Variants in SUN1 observed in about 807,000 individuals in gnomAD.
SUN1 encodes Sad1 and UNC84 domain containing 1, also known as SUN domain-containing protein 1.
A neutral mutation model predicts 103.2 loss-of-function variants in SUN1; 61 were observed. That is an observed-to-expected ratio of 0.59 (90% CI 0.48 to 0.73). The LOEUF (loss-of-function observed/expected upper bound fraction) is 0.73. SUN1 is among the 30% of genes least tolerant of loss of function. The pLI, the probability that SUN1 is intolerant of heterozygous loss-of-function variation, is 0.00. For synonymous variants in SUN1, 490 were observed against 425.7 expected (o/e 1.15, Z -1.86); for missense variants, 1,052 against 1,034.6 (o/e 1.02, Z -0.23).
At chr7:828,707 G>T (rs568325498), upstream of SUN1, among the ~76,000 whole-genome samples, 158 of 152,306 alleles carry the variant, frequency 1.0e-3, no homozygotes, top group African/African-American at 3.5e-3. Flanking sequence ...AAGATAAAAG[G>T]GAGAGACTTT....
At position 841,977 on chromosome 7, in the gene SUN1, T is replaced by G. The variant is rs754552795; in HGVS notation, c.298T>G (p.Ser100Ala). ...AAAACAGCGCAGAAGCACAAACAAA[T>G]CAGCTTTTAGTATCAACCACGTGTC... ...TTKQRRSTNKSAFSINHVSRQ... is the reference protein window; with the variant it reads ...TTKQRRSTNKAAFSINHVSRQ... The change falls in exon 3 of 19, where the codon TCA becomes GCA. Residue 100 changes from serine to alanine, a missense_variant. Around this residue, in one of 2 missense-constraint regions of SUN1, gnomAD observed 846 missense variants for 774.5 expected, o/e 1.09. Transcript: ENST00000401592. 7 of 1,614,138 alleles carry G rather than the reference T, an allele frequency of 4.3e-6. No individual in the cohort carries two copies. The highest frequency in any genetic ancestry group is 1.1e-5 in the South Asian group (1 of 91,082).
At position 842,165 on chromosome 7, in the gene SUN1, C is replaced by T. The variant is rs773045397; in HGVS notation, c.451+35C>T. ...TGCGAGACACAGATTGTCCCGCCTA[C>T]AGTTGGGGTGTTTCTCAGATTATGC... On this transcript the variant is annotated intron_variant, in intron 3 of 18. Transcript: ENST00000401592. The T allele has an allele frequency of 1.1e-5, 17 of 1,598,450 alleles. No individual in the cohort carries two copies. In the East Asian group the frequency reaches 1.8e-4, roughly 17 times the overall value.
At chr7:832,646 C>T (rs1799017381) in intron 1 of SUN1, 45 bp downstream of exon 1, 1 of 1,524,164 alleles carries the variant, frequency 6.6e-7, no homozygotes, top group East Asian at 2.3e-5. Context: ...GCAATGCCCA[C>T]TCGCTGTCGC....
intron 5 of SUN1, among the ~76,000 whole-genome samples, chr7:845,838 A>G (rs1450384371): frequency 3.9e-5 from 6 of 152,168 alleles, no homozygotes; most frequent in Admixed American, 3.3e-4. Context: ...AAATGAGGTA[A>G]AATTCAGATA....
intron 1 of SUN1, chr7:817,548 T>TG (rs764663129): frequency 6.5e-7 from 1 of 1,531,910 alleles, no homozygotes; most frequent in South Asian, 1.2e-5. Context: ...AGCTTGTGGT[T>TG]GCTGCGTCTG....
In SUN1 at chr7:843,502, A is replaced by G; in HGVS notation, c.640A>G (p.Arg214Gly). The G allele has an allele frequency of 6.2e-7, 1 of 1,614,090 alleles. No homozygotes were observed. The highest frequency in any genetic ancestry group is 1.1e-5 in the South Asian group (1 of 91,088). ...CGGGCCCGTGTCGAGAGTTTATTCT[A>G]GGGACAGGAATCAAAAATGTAAGTC... ...APGPVSRVYSRDRNQKCYFLL... is the reference protein window; with the variant it reads ...APGPVSRVYSGDRNQKCYFLL... Residue 214 changes from arginine to glycine, a missense_variant, in exon 5 of 19, where the codon AGG (arginine) becomes GGG (glycine). By Grantham distance (125) the Arg-to-Gly change is moderately radical (BLOSUM62 -2). Coordinates refer to ENST00000401592, the MANE Select transcript of SUN1 (RefSeq NM_001130965.3).
chr7:860,116 C>T lies in SUN1; in HGVS notation c.1525-12C>T. 2 of 1,612,274 alleles carry T rather than the reference C, an allele frequency of 1.2e-6. No individual in the cohort carries two copies. Among genetic ancestry groups the T allele is most frequent in the Non-Finnish European group, 8.5e-7 (1 of 1,178,598 alleles). ...AAAATAGGACATTTGTGTCCGTCTGCTGTTTTACTAGGTGGACGTGCAAGT... is the reference window on the plus strand; with the variant it reads ...AAAATAGGACATTTGTGTCCGTCTGTTGTTTTACTAGGTGGACGTGCAAGT... On this transcript the variant is annotated splice_polypyrimidine_tract_variant and intron_variant, in intron 13 of 18. Coordinates refer to ENST00000401592, the MANE Select transcript of SUN1 (RefSeq NM_001130965.3).
At chr7:867,058 T>C (rs1387553375) in intron 16 of SUN1, among the ~76,000 whole-genome samples, 1 of 152,264 alleles carries the variant, frequency 6.6e-6, no homozygotes, top group Non-Finnish European at 1.5e-5. Context: ...AAGTCCAGCC[T>C]GAAAGAATTC....
chr7:849,705 T>C lies in SUN1; in HGVS notation c.659-1679T>C, dbSNP rs551299530. On this transcript the variant is annotated intron_variant, in intron 5 of 18. Transcript: ENST00000401592. ...TAGAGAATGAACGGCCCGTGTGACATGGTGGTCCTCACTGATGACGACGGG... is the reference window on the plus strand; with the variant it reads ...TAGAGAATGAACGGCCCGTGTGACACGGTGGTCCTCACTGATGACGACGGG... 4.5e-6 allele frequency: 6 copies of C among 1,325,786 alleles called. No individual in the cohort carries two copies. In the African/African-American group the frequency reaches 8.6e-5, roughly 19 times the overall value. 82.1% of individuals were successfully genotyped at this position (1,325,786 alleles called of 1,614,324 possible).
rs1456981144 is a variant in SUN1 at position 874,154 on chromosome 7, G to C, written c.*823G>C. The C allele has an allele frequency of 1.3e-5, 2 of 152,248 alleles. No homozygotes were observed. Among genetic ancestry groups the C allele is most frequent in the African/African-American group, 4.8e-5 (2 of 41,436 alleles). The allele number at this position is 152,248 out of a possible 1,614,324, so 9.4% of individuals were successfully genotyped here. A position where few individuals can be genotyped will look rare whatever the true frequency, so the allele number is the denominator to read the frequency against. ...TTTTGAGTTTTGCTGAATAGGGAGCGCAAGACGCCCTGAGCCTCCCTCTCA... is the reference window on the plus strand; with the variant it reads ...TTTTGAGTTTTGCTGAATAGGGAGCCCAAGACGCCCTGAGCCTCCCTCTCA... On this transcript the variant is annotated 3_prime_UTR_variant, in exon 19 of 19. Coordinates refer to ENST00000401592, the MANE Select transcript of SUN1 (RefSeq NM_001130965.3).
At position 873,328 on chromosome 7, in the gene SUN1, G is replaced by A; in HGVS notation, c.2355G>A (p.Lys785=). 1.2e-6 allele frequency: 2 copies of A among 1,613,122 alleles called. No individual in the cohort carries two copies. The highest frequency in any genetic ancestry group is 1.7e-4 in the Middle Eastern group (1 of 6,056). ...TCAGAGTTCATGGCGAACCTGTCAA[G>A]TGAAGACACTACTCATTATTTTTGT... ...YRFRVHGEPV[K] The change falls in exon 19 of 19, where the codon AAG becomes AAA. Residue 785 remains lysine (K), a synonymous_variant. Transcript: ENST00000401592.
In SUN1 at chr7:868,466, G is replaced by A. The variant is rs139605460; in HGVS notation, c.1981-883G>A. Reference sequence around the variant, plus strand: ...GAACGTGCATTTTCCCAGGGCATCAGCAGCTGACCCTTGATGTTGGTCGGA... The same window carrying A: ...GAACGTGCATTTTCCCAGGGCATCAACAGCTGACCCTTGATGTTGGTCGGA... On this transcript the variant is annotated intron_variant, in intron 16 of 18. Transcript: ENST00000401592. 6.5e-3 allele frequency: 1,937 copies of A among 299,376 alleles called. 55 individuals carry two copies. The highest frequency in any genetic ancestry group is 0.041 in the African/African-American group (1,820 of 44,332). 18.5% of individuals were successfully genotyped at this position (299,376 alleles called of 1,614,324 possible). A position where few individuals can be genotyped will look rare whatever the true frequency, so the allele number is the denominator to read the frequency against.
At chr7:844,186 ACTGGGATTCCCTGGGGGG>A (rs1257620849) in intron 5 of SUN1, among the ~76,000 whole-genome samples, 2 of 152,148 alleles carry the variant, frequency 1.3e-5, no homozygotes, top group Admixed American at 1.3e-4. Flanking sequence ...TCCAGGCGGG[ACTGGGATTCCCTGGGGGG>A]CTGGGATTCT....
At chr7:832,009 T>C, upstream of SUN1, 1 of 986,520 alleles carries the variant, frequency 1.0e-6, no homozygotes, top group Non-Finnish European at 1.2e-6. Context: ...TTTTTGTTAT[T>C]CACCCTGCAG....
At chr7:821,414 C>T (rs1227205287) in intron 1 of SUN1, among the ~76,000 whole-genome samples, 2 of 152,060 alleles carry the variant, frequency 1.3e-5, no homozygotes, top group African/African-American at 4.8e-5. Context: ...GTGATCCGCC[C>T]ACCTCAGCCT....
chr7:821,550 G>A (rs375232562), intron 1 of SUN1, among the ~76,000 whole-genome samples: 94 of 152,214 alleles, frequency 6.2e-4, no homozygotes, highest in African/African-American at 2.0e-3. Context: ...TATGATGATC[G>A]AATGGTCTCC....
intron 1 of SUN1, among the ~76,000 whole-genome samples, chr7:833,601 G>A (rs1279753290): frequency 6.6e-6 from 1 of 152,162 alleles, no homozygotes; most frequent in African/African-American, 2.4e-5. Flanking sequence ...GTGAGCCACC[G>A]TGCCCGGTCT....
At chr7:862,799 G>C (rs976383066) in intron 15 of SUN1, among the ~76,000 whole-genome samples, 1 of 152,158 alleles carries the variant, frequency 6.6e-6, no homozygotes, top group African/African-American at 2.4e-5. Context: ...ATAATTCAGT[G>C]GTTTAGAAAT....
Position 860,198 on chromosome 7 carries a change from A to T in SUN1, c.1595A>T (p.Gln532Leu), listed in dbSNP as rs1284507439. 3.7e-6 allele frequency: 6 copies of T among 1,614,268 alleles called. No homozygotes were observed. The African/African-American group carries it at 8.0e-5, about 22-fold the overall frequency. Residue 532 changes from glutamine (Q) to leucine (L), a missense_variant, in exon 14 of 19, where the codon CAG (glutamine) becomes CTG (leucine). Gln to Leu is a moderately radical substitution (Grantham distance 113). Transcript: ENST00000401592. ...SEDQQGGSLE[Q>L]LLQRFSSQFV... ...GATCAGCAAGGCGGTTCTCTGGAAC[A>T]GCTGCTGCAGAGGTTCTCATCACAG...
Sources: gnomAD v4.1 joint callset for allele counts (sites outside exome capture counted in the v4.1 genomes callset) on GRCh38, gnomAD v4.1.1 for gene constraint, gnomAD v4.1.1 regional missense constraint, MANE v1.5 for transcripts, NCBI Gene and HGNC (gene_info 2026-07-23, HGNC 2026-07-21) for gene names.